Variants in IPO8 observed in about 807,000 individuals in gnomAD.
The protein encoded by IPO8 is importin-8.
In IPO8, 65 loss-of-function variants were observed where a neutral mutation model predicts 141.2. The ratio of observed to expected loss-of-function variants is 0.46; its 90% CI spans 0.38 to 0.57. IPO8 has a LOEUF of 0.57. Among genes scored for constraint, IPO8 ranks in the 20% least tolerant of loss-of-function variants. The pLI is 0.00. For synonymous variants in IPO8, 411 were observed against 420.3 expected (o/e 0.98, Z 0.27); for missense variants, 980 against 1,246.8 (o/e 0.79, Z 3.22).
chr12:30,677,239 A>G lies in IPO8; in HGVS notation c.640-652T>C, dbSNP rs1183836953. 13 of 464,250 alleles carry G rather than the reference A, an allele frequency of 2.8e-5. No individual in the cohort carries two copies. In the East Asian group the frequency reaches 7.7e-4, roughly 27 times the overall value. The allele number at this position is 464,250 out of a possible 1,614,324, so 28.8% of individuals were successfully genotyped here. A position where few individuals can be genotyped will look rare whatever the true frequency, so the allele number is the denominator to read the frequency against. ...TCGGTCAGTGACAGACTGCATATAC[A>G]ACAATGGTCCCATAAGATTAGAACA... is the stretch of plus-strand genomic sequence containing the variant. On this transcript the variant is annotated intron_variant, in intron 5 of 24. Coordinates refer to ENST00000256079, the MANE Select transcript of IPO8 (RefSeq NM_006390.4).
chr12:30,633,721 C>T (rs577162192), intron 23 of IPO8, among the ~76,000 whole-genome samples: 2 of 152,218 alleles, frequency 1.3e-5, no homozygotes, highest in Non-Finnish European at 2.9e-5. Context: ...TTGTTAGCCA[C>T]AATTTTTAAG....
At chr12:30,663,099 C>T (rs1009848066) in intron 14 of IPO8, among the ~76,000 whole-genome samples, 2 of 152,164 alleles carry the variant, frequency 1.3e-5, no homozygotes, top group African/African-American at 4.8e-5. Context: ...CTAGGGGAAT[C>T]AGAATCCCAG....
chr12:30,652,335 GAAAT>G, intron 18 of IPO8, 46 bp from the exon 19 acceptor site: 1 of 1,111,866 alleles, frequency 9.0e-7, no homozygotes, highest in South Asian at 1.3e-5. Context: ...GACAGAAATA[GAAAT>G]AAATTATTCC....
At chr12:30,680,104 CCCTTCTTCTTTT>C (rs137864155) in intron 5 of IPO8, among the ~76,000 whole-genome samples, 13,372 of 151,692 alleles carry the variant, frequency 0.088, 1,305 homozygotes, top group African/African-American at 0.25. Context: ...AAGAGGGACT[CCCTTCTTCTTTT>C]CCTTCTTCTT....
At chr12:30,690,385 T>C (rs967790320) in intron 2 of IPO8, 111 bp downstream of exon 2, 2 of 686,716 alleles carry the variant, frequency 2.9e-6, no homozygotes, top group Admixed American at 6.1e-5. Context: ...ACTTCATGAG[T>C]GCTAGTGCTT....
chr12:30,667,118 C>T (rs928788619), intron 10 of IPO8, among the ~76,000 whole-genome samples: 4 of 152,254 alleles, frequency 2.6e-5, no homozygotes, highest in Non-Finnish European at 4.4e-5. Context: ...ATATAAAATA[C>T]AAACATAATA....
Position 30,661,282 on chromosome 12 carries a change from T to G in IPO8, c.1756-16A>C. ...ATATCTCAGCCTATGAAAATAACATTAAAGTATTCCGCAATTAGTAGTACT... is the reference window on the plus strand; with the variant it reads ...ATATCTCAGCCTATGAAAATAACATGAAAGTATTCCGCAATTAGTAGTACT... On this transcript the variant is annotated splice_polypyrimidine_tract_variant and intron_variant, in intron 15 of 24. Coordinates refer to ENST00000256079, the MANE Select transcript of IPO8 (RefSeq NM_006390.4). The G allele has an allele frequency of 6.4e-7, 1 of 1,571,456 alleles. No homozygotes were observed. Among genetic ancestry groups the G allele is most frequent in the South Asian group, 1.2e-5 (1 of 84,096 alleles).
At position 30,648,547 on chromosome 12, in the gene IPO8, C is replaced by T. The variant is rs77687748; in HGVS notation, c.2268+590G>A. 4.3e-3 allele frequency among the ~76,000 whole-genome samples: 661 copies of T among 152,046 alleles called. 6 individuals carry two copies. The highest frequency in any genetic ancestry group is 3.6e-3 in the Non-Finnish European group (246 of 67,984). ...CTTTAAATGGATGAAATGTATGGAACGTGAATTAGATCTCAAAACTATTAT... is the reference window on the plus strand; with the variant it reads ...CTTTAAATGGATGAAATGTATGGAATGTGAATTAGATCTCAAAACTATTAT... On this transcript the variant is annotated intron_variant, in intron 20 of 24. Coordinates refer to ENST00000256079, the MANE Select transcript of IPO8 (RefSeq NM_006390.4).
intron 24 of IPO8, among the ~76,000 whole-genome samples, 169 bp from the exon 25 acceptor site, chr12:30,631,126 T>C (rs370633827): frequency 6.6e-6 from 1 of 152,182 alleles, no homozygotes; most frequent in East Asian, 1.9e-4. Context: ...AACAGACCTA[T>C]GTCAATAAGG....
At chr12:30,678,166 A>G (rs1226259485) in intron 5 of IPO8, among the ~76,000 whole-genome samples, 1 of 152,082 alleles carries the variant, frequency 6.6e-6, no homozygotes, top group Admixed American at 6.5e-5. Context: ...GAAGTAAAAA[A>G]GTTACAGTAA....
At chr12:30,651,409 C>T (rs1314445230) in intron 19 of IPO8, among the ~76,000 whole-genome samples, 1 of 152,218 alleles carries the variant, frequency 6.6e-6, no homozygotes. Context: ...TTTGGGTACA[C>T]CCCTTCTGGT....
intron 7 of IPO8, 118 bp downstream of exon 7, chr12:30,674,541 A>T (rs1417532158): frequency 1.3e-6 from 1 of 751,714 alleles, no homozygotes; most frequent in African/African-American, 1.7e-5. Flanking sequence ...CCAATGATTA[A>T]AATTAAGCTA....
At position 30,681,808 on chromosome 12, in the gene IPO8, T is replaced by C. The variant is rs1395906193; in HGVS notation, c.333A>G (p.Leu111=). Residue 111 remains leucine, a synonymous_variant, in exon 4 of 25, where the codon TTA becomes TTG. Transcript: ENST00000256079. ...IRSPDLVRVQ[L]TMCLRAIIKH... ...TTATGATGGCACGGAGACACATTGT[T>C]AATTGGACTCTACAAAGTAGGGAAG... The C allele has an allele frequency of 1.2e-6, 2 of 1,612,604 alleles. No individual in the cohort carries two copies. The highest frequency in any genetic ancestry group is 1.7e-6 in the Non-Finnish European group (2 of 1,179,236).
intron 23 of IPO8, among the ~76,000 whole-genome samples, chr12:30,632,581 C>T (rs930975079): frequency 3.9e-5 from 6 of 152,154 alleles, no homozygotes; most frequent in Non-Finnish European, 8.8e-5. Flanking sequence ...CCTGAGCATG[C>T]CCTCTCCACA....
At chr12:30,662,285 A>C in intron 15 of IPO8, 42 bp downstream of exon 15, 1 of 1,542,128 alleles carries the variant, frequency 6.5e-7, no homozygotes, top group Non-Finnish European at 8.9e-7. Flanking sequence ...TAGATTACTC[A>C]AGGTTTCTAA....
At chr12:30,642,245 G>A (rs924872382) in intron 20 of IPO8, among the ~76,000 whole-genome samples, 1 of 151,974 alleles carries the variant, frequency 6.6e-6, no homozygotes, top group Non-Finnish European at 1.5e-5. Flanking sequence ...GAGTATTAGA[G>A]ACATAAAGAT....
At chr12:30,672,074 T>C (rs564337855) in intron 8 of IPO8, among the ~76,000 whole-genome samples, 2 of 152,274 alleles carry the variant, frequency 1.3e-5, no homozygotes, top group East Asian at 3.9e-4. Context: ...TAAAAAATTA[T>C]TTATAAGGAA....
At chr12:30,650,057 T>G (rs193138268) in intron 19 of IPO8, among the ~76,000 whole-genome samples, 1 of 149,574 alleles carries the variant, frequency 6.7e-6, no homozygotes, top group Admixed American at 6.6e-5. Flanking sequence ...CTTAACGAAG[T>G]AAGAAGCTTT....
At chr12:30,637,908 A>G (rs2052524410) in intron 21 of IPO8, among the ~76,000 whole-genome samples, 2 of 152,252 alleles carry the variant, frequency 1.3e-5, no homozygotes, top group Admixed American at 1.3e-4. Context: ...CAATGTGTTT[A>G]AAGTGCGAAT....
Sources: gnomAD v4.1 joint callset for allele counts (sites outside exome capture counted in the v4.1 genomes callset) on GRCh38, gnomAD v4.1.1 for gene constraint, MANE v1.5 for transcripts, NCBI Gene and HGNC (gene_info 2026-07-23, HGNC 2026-07-21) for gene names.